ANKRD10: variants seen among roughly 807,000 people sequenced by gnomAD.
The protein encoded by ANKRD10 is ankyrin repeat domain 10, also known as ankyrin repeat domain-containing protein 10.
In ANKRD10, 14 loss-of-function variants were observed where a neutral mutation model predicts 27.0. The observed-to-expected ratio is 0.52, with a 90% CI of 0.34 to 0.81. The LOEUF is 0.81. Among genes scored for constraint, ANKRD10 ranks in the 40% least tolerant of loss-of-function variants. ANKRD10 has a pLI of 0.01. For synonymous variants in ANKRD10, 250 were observed against 224.5 expected, an observed-to-expected ratio of 1.11 and a Z score of -1.01; for missense variants, 493 against 544.0, an observed-to-expected ratio of 0.91 and a Z score of 0.93.
At chr13:110,910,003 T>C (rs562485837) in intron 2 of ANKRD10, among the ~76,000 whole-genome samples, 8 of 152,346 alleles carry the variant, frequency 5.3e-5, no homozygotes, top group Non-Finnish European at 1.0e-4. Context: ...CTAATGGTTA[T>C]TAGATGCTGC....
chr13:110,893,582 A>G (rs1451937935), intron 3 of ANKRD10, among the ~76,000 whole-genome samples: 1 of 152,196 alleles, frequency 6.6e-6, no homozygotes, highest in Non-Finnish European at 1.5e-5. Context: ...TTGAAACTGA[A>G]TTCTATATTA....
rs757408401 is a variant in ANKRD10 at position 110,914,765 on chromosome 13, TAGA to T, written c.167_169del (p.Phe56del). ...GGCCCAGTGCACGGGCGTCCAGCCA[TAGA>T]AGGAGTCCTCAGAGGCCAGGTGGGC... On this transcript the variant is annotated inframe_deletion, in exon 1 of 6. Coordinates refer to ENST00000267339, the MANE Select transcript of ANKRD10 (RefSeq NM_017664.4). 11 of 1,598,774 alleles carry T rather than the reference TAGA, an allele frequency of 6.9e-6. No individual in the cohort carries two copies. The highest frequency in any genetic ancestry group is 2.3e-5 in the East Asian group (1 of 43,922).
intron 1 of ANKRD10, among the ~76,000 whole-genome samples, chr13:110,912,533 CTA>C (rs2065748048): frequency 6.6e-6 from 1 of 152,218 alleles, no homozygotes; most frequent in South Asian, 2.1e-4. Context: ...CAAAAATCAG[CTA>C]TTCAGGGCTC....
Position 110,910,711 on chromosome 13 carries a change from C to T in ANKRD10, c.270G>A (p.Arg90=). The T allele has an allele frequency of 6.2e-7, 1 of 1,614,178 alleles. No individual in the cohort carries two copies. The highest frequency in any genetic ancestry group is 8.5e-7 in the Non-Finnish European group (1 of 1,180,032). ...CAATGTGGGCTGGCGTCTGCGCGTACCGTGTGGTGGAGACGTTGAGTGTGG... is the reference window on the plus strand; with the variant it reads ...CAATGTGGGCTGGCGTCTGCGCGTATCGTGTGGTGGAGACGTTGAGTGTGG... ...AGATLNVSTT[R]YAQTPAHIAA... Residue 90 remains arginine, a synonymous_variant, in exon 2 of 6, where the codon CGG becomes CGA. Coordinates refer to ENST00000267339, the MANE Select transcript of ANKRD10 (RefSeq NM_017664.4).
chr13:110,895,698 C>G (rs1376859017), intron 3 of ANKRD10, among the ~76,000 whole-genome samples: 2 of 152,152 alleles, frequency 1.3e-5, no homozygotes, highest in Non-Finnish European at 2.9e-5. Context: ...TTCCTTTATT[C>G]CTTATTCAGA....
chr13:110,897,354 C>T lies in ANKRD10; in HGVS notation c.456-4091G>A, dbSNP rs185129349. On this transcript the variant is annotated intron_variant, in intron 3 of 5. Coordinates refer to ENST00000267339, the MANE Select transcript of ANKRD10 (RefSeq NM_017664.4). Reference sequence around the variant, plus strand: ...GCTCAGGCTGGTCTCAAACTCCAGGCCTCAAGTGATCCTCCCACCTCAGAC... The same window carrying T: ...GCTCAGGCTGGTCTCAAACTCCAGGTCTCAAGTGATCCTCCCACCTCAGAC... 7.4e-5 allele frequency among the ~76,000 whole-genome samples: 11 copies of T among 147,992 alleles called. No homozygotes were observed. The East Asian group carries it at 1.8e-3, about 24-fold the overall frequency.
In ANKRD10 at chr13:110,879,599, GA is replaced by G. The variant is rs752015661; in HGVS notation, c.*37del. 5 of 1,522,478 alleles carry G rather than the reference GA, an allele frequency of 3.3e-6. No individual in the cohort carries two copies. Among genetic ancestry groups the G allele is most frequent in the Non-Finnish European group, 4.5e-6 (5 of 1,106,824 alleles). The allele number at this position is 1,522,478 out of a possible 1,614,324, so 94.3% of individuals were successfully genotyped here. A position where few individuals can be genotyped will look rare whatever the true frequency, so the allele number is the denominator to read the frequency against. On this transcript the variant is annotated 3_prime_UTR_variant, in exon 6 of 6. Coordinates refer to ENST00000267339, the MANE Select transcript of ANKRD10 (RefSeq NM_017664.4). The stretch of plus-strand genomic sequence containing the variant: ...ATGGGTATTCTGAGCTGGCTACCAG[GA>G]AGGACTCCTGCGTTTCCGAGAGCCA...
chr13:110,887,136 G>A (rs1022464170), intron 4 of ANKRD10, among the ~76,000 whole-genome samples: 1 of 152,168 alleles, frequency 6.6e-6, no homozygotes, highest in Non-Finnish European at 1.5e-5. Context: ...TGACCCTGGG[G>A]GACACACAGA....
chr13:110,911,941 A>C (rs976212382), intron 1 of ANKRD10, among the ~76,000 whole-genome samples: 7 of 152,112 alleles, frequency 4.6e-5, no homozygotes, highest in African/African-American at 1.7e-4. Flanking sequence ...CATTCTCCAC[A>C]TTTTTTTACT....
At chr13:110,890,516 G>A (rs1202997212) in intron 4 of ANKRD10, among the ~76,000 whole-genome samples, 1 of 152,174 alleles carries the variant, frequency 6.6e-6, no homozygotes, top group Non-Finnish European at 1.5e-5. Context: ...ATAAAAGACA[G>A]AACCATCAGA....
chr13:110,914,538 C>T, intron 1 of ANKRD10, 187 bp downstream of exon 1: 1 of 805,236 alleles, frequency 1.2e-6, no homozygotes, highest in Non-Finnish European at 1.7e-6. Flanking sequence ...CCCGGCTGCC[C>T]CGCCGCGACT....
intron 3 of ANKRD10, 31 bp downstream of exon 3, chr13:110,906,002 T>C (rs2065520407): frequency 6.5e-7 from 1 of 1,549,728 alleles, no homozygotes; most frequent in South Asian, 1.2e-5. Flanking sequence ...ACTACATCTT[T>C]AGCTGGAAAG....
At chr13:110,891,515 G>A (rs1003746701) in intron 4 of ANKRD10, among the ~76,000 whole-genome samples, 1 of 152,120 alleles carries the variant, frequency 6.6e-6, no homozygotes, top group African/African-American at 2.4e-5. Context: ...TCTTATCACA[G>A]GAATTTTTAT....
At chr13:110,885,011 A>ACGTT (rs2138823110) in intron 4 of ANKRD10, among the ~76,000 whole-genome samples, 1 of 151,932 alleles carries the variant, frequency 6.6e-6, no homozygotes, top group South Asian at 2.1e-4. Context: ...GGGGAGAGAA[A>ACGTT]CAGAACAGTG....
In ANKRD10 at chr13:110,879,618, G is replaced by T; in HGVS notation, c.*19C>A. The T allele has an allele frequency of 6.3e-7, 1 of 1,589,706 alleles. No homozygotes were observed. Among genetic ancestry groups the T allele is most frequent in the South Asian group, 1.1e-5 (1 of 89,764 alleles). On this transcript the variant is annotated 3_prime_UTR_variant, in exon 6 of 6. Transcript: ENST00000267339. ...TACCAGGAAGGACTCCTGCGTTTCC[G>T]AGAGCCAGGTCAGCGTCTCTAGGAG...
intron 5 of ANKRD10, among the ~76,000 whole-genome samples, chr13:110,881,728 T>C (rs181940921): frequency 2.6e-5 from 4 of 152,296 alleles, no homozygotes; most frequent in Non-Finnish European, 2.9e-5. Context: ...ACCTTGACAG[T>C]TGTTTATTGT....
At chr13:110,894,090 G>GT (rs1247029525) in intron 3 of ANKRD10, 1 of 1,535,662 alleles carries the variant, frequency 6.5e-7, no homozygotes, top group Non-Finnish European at 9.0e-7. Context: ...ATAAAATAGA[G>GT]TAAGTTGAAC....
chr13:110,886,204 G>A (rs937404761), intron 4 of ANKRD10, among the ~76,000 whole-genome samples: 2 of 152,192 alleles, frequency 1.3e-5, no homozygotes, highest in African/African-American at 2.4e-5. Flanking sequence ...AAGAGGCAGC[G>A]GGAAACACAC....
chr13:110,893,272 C>T lies in ANKRD10; in HGVS notation c.456-9G>A. On this transcript the variant is annotated splice_polypyrimidine_tract_variant and intron_variant, in intron 3 of 5. Transcript: ENST00000267339. ...CACTGGCATTTCTCAGGCTGTACAACACAAAAACACTGAATTACACCCCAT... is the reference window on the plus strand; with the variant it reads ...CACTGGCATTTCTCAGGCTGTACAATACAAAAACACTGAATTACACCCCAT... The T allele has an allele frequency of 1.2e-6, 2 of 1,613,044 alleles. No individual in the cohort carries two copies. Among genetic ancestry groups the T allele is most frequent in the Non-Finnish European group, 1.7e-6 (2 of 1,179,260 alleles).
Sources: allele counts gnomAD v4.1 joint callset (sites outside exome capture counted in the v4.1 genomes callset), GRCh38; gene constraint gnomAD v4.1.1; transcripts MANE v1.5; gene names NCBI Gene and HGNC (gene_info 2026-07-23, HGNC 2026-07-21).